Variants in EIF4G1 observed in about 807,000 individuals in gnomAD.
EIF4G1 encodes the protein eukaryotic translation initiation factor 4 gamma 1, also known as EIF4-gamma.
Under a neutral mutation model 187.8 loss-of-function variants are expected in EIF4G1, and 4 were observed. The ratio of observed to expected loss-of-function variants is 0.02; its 90% CI spans 0.01 to 0.05. EIF4G1 has a LOEUF of 0.05. Among genes scored for constraint, EIF4G1 ranks in the 10% least tolerant of loss-of-function variants. The pLI is 1.00. For missense variants in EIF4G1, 1,647 were observed against 2,081.1 expected, an observed-to-expected ratio of 0.79 and a Z score of 4.06; for synonymous variants, 844 against 781.4, an observed-to-expected ratio of 1.08 and a Z score of -1.34.
chr3:184,326,380 G>A (rs1009213665), intron 21 of EIF4G1, 147 bp from the exon 22 acceptor site: 1 of 775,728 alleles, frequency 1.3e-6, no homozygotes, highest in African/African-American at 1.7e-5. Context: ...GAATTGAGTA[G>A]TTGCAATAGA....
In EIF4G1 at chr3:184,314,648, G is replaced by A. The variant is rs1722363673; in HGVS notation, c.-118G>A. The A allele has an allele frequency of 6.6e-6, 1 of 151,930 alleles. No homozygotes were observed. The highest frequency in any genetic ancestry group is 2.1e-4 in the South Asian group (1 of 4,828). 9.4% of individuals were successfully genotyped at this position (151,930 alleles called of 1,614,324 possible). ...ACGTCTGTGCGGCTGCGTGGGGCTC[G>A]GCCGCGCGGACTGAAGGAGACTGAA... On this transcript the variant is annotated 5_prime_UTR_variant, in exon 1 of 33. Transcript: ENST00000346169.
Position 184,331,373 on chromosome 3 carries a change from A to G in EIF4G1, c.4260+9A>G. 1 of 1,614,116 alleles carries G rather than the reference A, an allele frequency of 6.2e-7. No individual in the cohort carries two copies. Among genetic ancestry groups the G allele is most frequent in the Non-Finnish European group, 8.5e-7 (1 of 1,180,036 alleles). ...CATTCGTCGCTGAACAGGTTTGGGG[A>G]TGGAGTTGGGTTAATTCTAGCATTT... On this transcript the variant is annotated intron_variant, in intron 29 of 32. Transcript: ENST00000346169.
rs11559218 is a variant in EIF4G1 at position 184,332,019 on chromosome 3, C to T, written c.4551C>T (p.Asp1517=). Residue 1517 remains aspartate (D), a synonymous_variant, in exon 32 of 33, where the codon GAC becomes GAT. Transcript: ENST00000346169. The part of the protein sequence containing the change: ...RAKLLQKYLC[D]EQKELQALYA... The stretch of plus-strand genomic sequence containing the variant: ...AGCTGCTGCAGAAATACCTGTGTGA[C>T]GAGCAGAAGGAGCTACAGGCGCTCT... 9,331 of 1,614,184 alleles carry T rather than the reference C, an allele frequency of 5.8e-3. 37 individuals are homozygous for T. The highest frequency in any genetic ancestry group is 0.013 in the Middle Eastern group (80 of 6,062).
At position 184,321,800 on chromosome 3, in the gene EIF4G1, G is replaced by A; in HGVS notation, c.1216G>A (p.Gly406Arg). 1 of 1,613,714 alleles carries A rather than the reference G, an allele frequency of 6.2e-7. No individual in the cohort carries two copies. Among genetic ancestry groups the A allele is most frequent in the Non-Finnish European group, 8.5e-7 (1 of 1,179,704 alleles). The change falls in exon 10 of 33, where the codon GGA (glycine) becomes AGA (arginine). Residue 406 changes from glycine to arginine, a missense_variant. Coordinates refer to ENST00000346169, the MANE Select transcript of EIF4G1 (RefSeq NM_198241.3). ...TGCCCAACCTGAGGAACTGCTCAACGGAGCCCCCTCGCCACCAGCTGTGGA... is the reference window on the plus strand; with the variant it reads ...TGCCCAACCTGAGGAACTGCTCAACAGAGCCCCCTCGCCACCAGCTGTGGA... ...PTAQPEELLN[G>R]APSPPAVDLS...
rs1274642565 is a variant in EIF4G1, at chr3:184,319,740, C to T, written c.476C>T (p.Ala159Val). Residue 159 changes from alanine (A) to valine (V), a missense_variant, in exon 7 of 33, where the codon GCC becomes GTC. This residue lies in a region of EIF4G1 where 139 missense variants were observed against 187.3 expected (regional missense o/e 0.74). Transcript: ENST00000346169. Reference sequence around the variant, plus strand: ...GTGCAGCAGTTTCCCACTGGCGTGGCCCCCACCCCAGTTTTGATGAACCAG... The same window carrying T: ...GTGCAGCAGTTTCCCACTGGCGTGGTCCCCACCCCAGTTTTGATGAACCAG... ...QGVQQFPTGV[A>V]PTPVLMNQPP... 2.5e-6 allele frequency: 4 copies of T among 1,607,636 alleles called. No homozygotes were observed. The highest frequency in any genetic ancestry group is 2.2e-5 in the East Asian group (1 of 44,688).
intron 24 of EIF4G1, 63 bp downstream of exon 24, chr3:184,327,511 A>G: frequency 6.2e-7 from 1 of 1,612,786 alleles, no homozygotes; most frequent in South Asian, 1.1e-5. Flanking sequence ...GCTGGTCCCC[A>G]GCTTTTTGAG....
Position 184,322,416 on chromosome 3 carries a change from A to C in EIF4G1, c.1574A>C (p.Glu525Ala). The C allele has an allele frequency of 6.2e-7, 1 of 1,614,212 alleles. No homozygotes were observed. Among genetic ancestry groups the C allele is most frequent in the Non-Finnish European group, 8.5e-7 (1 of 1,180,044 alleles). Residue 525 changes from glutamate to alanine, a missense_variant, in exon 11 of 33, where the codon GAG (glutamate) becomes GCG (alanine). Coordinates refer to ENST00000346169, the MANE Select transcript of EIF4G1 (RefSeq NM_198241.3). ...RRKIKELNKKEAVGDLLDAFK... is the reference protein window; with the variant it reads ...RRKIKELNKKAAVGDLLDAFK... The stretch of plus-strand genomic sequence containing the variant: ...AAAATTAAGGAGCTAAATAAGAAGG[A>C]GGCTGTTGGAGACCTTCTGGATGCC...
At chr3:184,328,510 TC>T (rs1725407731) in intron 26 of EIF4G1, 120 bp from the exon 27 acceptor site, 10 of 1,379,670 alleles carry the variant, frequency 7.2e-6, no homozygotes, top group Non-Finnish European at 1.0e-5. Flanking sequence ...GAAATAATTG[TC>T]CCCATGTCTA....
chr3:184,327,076 T>A, intron 23 of EIF4G1, 93 bp downstream of exon 23: 3 of 1,583,270 alleles, frequency 1.9e-6, no homozygotes, highest in East Asian at 2.2e-5. Context: ...TTCATACCTG[T>A]CCTGGTTGGA....
chr3:184,330,849 C>T (rs999389180), intron 28 of EIF4G1, among the ~76,000 whole-genome samples: 3 of 152,096 alleles, frequency 2.0e-5, no homozygotes, highest in Non-Finnish European at 4.4e-5. Context: ...AAGCGATTCT[C>T]CTGCCTCAGC....
At chr3:184,327,764 C>G (rs979387108) in intron 25 of EIF4G1, 60 bp downstream of exon 25, 21 of 1,613,372 alleles carry the variant, frequency 1.3e-5, no homozygotes, top group Non-Finnish European at 5.1e-6. Flanking sequence ...TGCTGGCAGG[C>G]ATAGGGGTCC....
rs1164943275 is a variant in EIF4G1 at position 184,328,420 on chromosome 3, C to T, written c.3954-211C>T. The T allele has an allele frequency of 5.2e-5, 38 of 736,340 alleles. 2 individuals carry two copies. The highest frequency in any genetic ancestry group is 8.0e-4 in the Middle Eastern group (2 of 2,492). The allele number at this position is 736,340 out of a possible 1,614,324, so 45.6% of individuals were successfully genotyped here. On this transcript the variant is annotated intron_variant, in intron 26 of 32. Coordinates refer to ENST00000346169, the MANE Select transcript of EIF4G1 (RefSeq NM_198241.3). ...AAAAACCAAAAAACAGTATGGGTTC[C>T]TTGACCATCCTGGTCAGCATAACTT...
Position 184,317,732 on chromosome 3 carries a change from G to A in EIF4G1, c.340G>A (p.Val114Ile), listed in dbSNP as rs1723048758. 2 of 1,613,872 alleles carry A rather than the reference G, an allele frequency of 1.2e-6. No homozygotes were observed. The highest frequency in any genetic ancestry group is 1.7e-5 in the Admixed American group (1 of 59,982). Reference protein sequence around the residue: ...YIPGQGRSTYVVPTQQYPVQP... With the variant: ...YIPGQGRSTYIVPTQQYPVQP... The stretch of plus-strand genomic sequence containing the variant: ...TCCCCACCAGGGGCGTTCCACATAC[G>A]TTGTCCCGACACAGCAGTACCCTGT... The change falls in exon 6 of 33, where the codon GTT (valine) becomes ATT (isoleucine). Residue 114 changes from valine to isoleucine, a missense_variant. This residue lies in a region of EIF4G1 where 139 missense variants were observed against 187.3 expected (regional missense o/e 0.74). Transcript: ENST00000346169.
intron 16 of EIF4G1, 30 bp downstream of exon 16, chr3:184,324,007 G>T: frequency 6.2e-7 from 1 of 1,612,948 alleles, no homozygotes; most frequent in Non-Finnish European, 8.5e-7. Flanking sequence ...TAAATCTAAT[G>T]GTCTGGTTGC....
chr3:184,319,905 A>T (rs1288709944), intron 7 of EIF4G1, 104 bp downstream of exon 7: 2 of 847,636 alleles, frequency 2.4e-6, no homozygotes, highest in Non-Finnish European at 3.9e-6. Context: ...AGGAGGAAGG[A>T]GCTGAGAGTG....
chr3:184,324,447 T>G (rs1245398883), intron 17 of EIF4G1, 100 bp downstream of exon 17: 1 of 1,569,582 alleles, frequency 6.4e-7, no homozygotes, highest in African/African-American at 1.4e-5. Context: ...AGTGGTGTCT[T>G]GGGGATTTCT....
intron 6 of EIF4G1, among the ~76,000 whole-genome samples, chr3:184,318,836 C>T (rs1376998018): frequency 1.3e-5 from 2 of 151,724 alleles, no homozygotes; most frequent in Non-Finnish European, 2.9e-5. Flanking sequence ...AACTCCTGGC[C>T]TCAAGTGATC....
intron 17 of EIF4G1, 123 bp from the exon 18 acceptor site, chr3:184,324,755 A>G: frequency 3.7e-6 from 4 of 1,077,234 alleles, no homozygotes; most frequent in Admixed American, 1.7e-5. Context: ...ATGAGCCACT[A>G]TGCCCAGCCA....
chr3:184,328,203 C>G, intron 26 of EIF4G1: 1 of 623,846 alleles, frequency 1.6e-6, no homozygotes, highest in South Asian at 1.8e-5. Context: ...TCTAGACCAG[C>G]CTGGCCAACA....
Sources: gnomAD v4.1 joint callset for allele counts (sites outside exome capture counted in the v4.1 genomes callset) on GRCh38, gnomAD v4.1.1 for gene constraint, gnomAD v4.1.1 regional missense constraint, MANE v1.5 for transcripts, NCBI Gene and HGNC (gene_info 2026-07-23, HGNC 2026-07-21) for gene names.